Variants in TMEM127 observed in about 807,000 individuals in gnomAD.
TMEM127 encodes transmembrane protein 127.
In TMEM127, 21 loss-of-function variants were observed where a neutral mutation model predicts 20.1. The ratio of observed to expected loss-of-function variants is 1.04; its 90% CI spans 0.74 to 1.50. The LOEUF (loss-of-function observed/expected upper bound fraction) is 1.50, where lower values mean the gene tolerates loss of function less well. TMEM127 is among the 40% of genes most tolerant of loss of function. TMEM127 has a pLI of 0.00. For synonymous variants in TMEM127, 150 were observed against 144.7 expected, an observed-to-expected ratio of 1.04 and a Z score of -0.26; for missense variants, 303 against 317.4, an observed-to-expected ratio of 0.95 and a Z score of 0.34.
chr2:96,253,684 A>C lies in TMEM127; in HGVS notation c.*124T>G. The C allele has an allele frequency of 6.7e-6, 7 of 1,037,570 alleles. No individual in the cohort carries two copies. Among genetic ancestry groups the C allele is most frequent in the Non-Finnish European group, 9.7e-6 (7 of 722,872 alleles). 64.3% of individuals were successfully genotyped at this position (1,037,570 alleles called of 1,614,324 possible). On this transcript the variant is annotated 3_prime_UTR_variant, in exon 4 of 4. Coordinates refer to ENST00000258439, the MANE Select transcript of TMEM127 (RefSeq NM_017849.4). The surrounding 1 kb of genome is among the most constrained non-coding windows in gnomAD (Gnocchi z 4.3). ...CTAAAGGCAGAGTCTCTCCTGGGGA[A>C]GGTTTGGAGAAGATGGTCAGGATCC... is the stretch of plus-strand genomic sequence containing the variant.
intron 2 of TMEM127, among the ~76,000 whole-genome samples, chr2:96,259,187 T>C (rs1425997235): frequency 6.6e-6 from 1 of 152,200 alleles, no homozygotes; most frequent in Non-Finnish European, 1.5e-5. Context: ...TGTATACCCC[T>C]CCTGGAACAG....
At chr2:96,264,993 C>T (rs1684383539) in intron 2 of TMEM127, 145 bp downstream of exon 2, 2 of 1,372,770 alleles carry the variant, frequency 1.5e-6, no homozygotes, top group South Asian at 2.5e-5. Flanking sequence ...GGACCCCAAA[C>T]AGAGCCACCT....
chr2:96,251,232 C>T lies in TMEM127; in HGVS notation c.*2576G>A. 1 of 212,248 alleles carries T rather than the reference C, an allele frequency of 4.7e-6. No individual in the cohort carries two copies. The highest frequency in any genetic ancestry group is 9.5e-6 in the Non-Finnish European group (1 of 104,798). The allele number at this position is 212,248 out of a possible 1,614,324, so 13.1% of individuals were successfully genotyped here. ...CCCTTCTAACTATTTTAAATTACAT[C>T]TTTGGCCAGGCACGGTGGTTCATGC... On this transcript the variant is annotated 3_prime_UTR_variant, in exon 4 of 4. Coordinates refer to ENST00000258439, the MANE Select transcript of TMEM127 (RefSeq NM_017849.4).
chr2:96,256,636 A>T (rs1021336709), intron 2 of TMEM127, among the ~76,000 whole-genome samples: 10 of 151,910 alleles, frequency 6.6e-5, no homozygotes, highest in Non-Finnish European at 1.0e-4. Context: ...CCACAATTTT[A>T]AAAAAAAGTA....
chr2:96,253,418 GCACA>G lies in TMEM127; in HGVS notation c.*386_*389del. 1.7e-5 allele frequency: 5 copies of G among 300,014 alleles called. No individual in the cohort carries two copies. Among genetic ancestry groups the G allele is most frequent in the South Asian group, 1.4e-4 (2 of 14,050 alleles). The allele number at this position is 300,014 out of a possible 1,614,324, so 18.6% of individuals were successfully genotyped here. On this transcript the variant is annotated 3_prime_UTR_variant, in exon 4 of 4. Transcript: ENST00000258439. This position sits in a 1 kb window ranked among gnomAD's most constrained non-coding sequence, Gnocchi z 4.3. ...GATCCCTGTGAAGTGAGCCTCCAGGGCACAGTCCCCTTTCCCTTGGGCCCTTTGA... is the reference window on the plus strand; with the variant it reads ...GATCCCTGTGAAGTGAGCCTCCAGGGGTCCCCTTTCCCTTGGGCCCTTTGA...
At position 96,251,722 on chromosome 2, in the gene TMEM127, G is replaced by T; in HGVS notation, c.*2086C>A. On this transcript the variant is annotated 3_prime_UTR_variant, in exon 4 of 4. Coordinates refer to ENST00000258439, the MANE Select transcript of TMEM127 (RefSeq NM_017849.4). ...TTTTCTAGAAAAAAAAACACAACCC[G>T]GGGAATTTATATGACAAACTATCAG... 4.3e-6 allele frequency: 1 copy of T among 232,322 alleles called. No individual in the cohort carries two copies. The allele number at this position is 232,322 out of a possible 1,614,324, so 14.4% of individuals were successfully genotyped here. A position where few individuals can be genotyped will look rare whatever the true frequency, so the allele number is the denominator to read the frequency against.
chr2:96,249,075 CTGTG>C lies in TMEM127; in HGVS notation c.*4729_*4732del, dbSNP rs111392153. ...TTCCCCAAAGCTTATGGTGAGGAAC[CTGTG>C]TGTGTGTGTGTGGTGTGTGTGTGTG... On this transcript the variant is annotated 3_prime_UTR_variant, in exon 4 of 4. Transcript: ENST00000258439. 9.0e-6 allele frequency: 2 copies of C among 223,228 alleles called. No homozygotes were observed. The highest frequency in any genetic ancestry group is 8.9e-6 in the Non-Finnish European group (1 of 112,952). 13.8% of individuals were successfully genotyped at this position (223,228 alleles called of 1,614,324 possible).
intron 3 of TMEM127, 128 bp downstream of exon 3, chr2:96,254,704 TG>T: frequency 8.2e-7 from 1 of 1,226,644 alleles, no homozygotes; most frequent in Non-Finnish European, 1.2e-6. Flanking sequence ...TGGGAAAGAC[TG>T]GAGCTTGGCA....
In TMEM127 at chr2:96,250,496, C is replaced by T. The variant is rs1684064099; in HGVS notation, c.*3312G>A. The T allele has an allele frequency of 8.6e-6, 2 of 232,852 alleles. No homozygotes were observed. The highest frequency in any genetic ancestry group is 1.7e-5 in the Non-Finnish European group (2 of 117,862). 14.4% of individuals were successfully genotyped at this position (232,852 alleles called of 1,614,324 possible). A position where few individuals can be genotyped will look rare whatever the true frequency, so the allele number is the denominator to read the frequency against. On this transcript the variant is annotated 3_prime_UTR_variant, in exon 4 of 4. Coordinates refer to ENST00000258439, the MANE Select transcript of TMEM127 (RefSeq NM_017849.4). ...GACATAAAATCCTTGCAGACAGGGT[C>T]CTGTCCGTCACTGTATATTTCATGG...
rs189327749 is a variant in TMEM127 at position 96,254,826 on chromosome 2, G to A, written c.409+7C>T. The A allele has an allele frequency of 5.8e-3, 9,404 of 1,613,922 alleles. 36 individuals carry two copies. The highest frequency in any genetic ancestry group is 6.8e-3 in the Non-Finnish European group (8,080 of 1,179,920). On this transcript the variant is annotated splice_region_variant and intron_variant, in intron 3 of 3. Coordinates refer to ENST00000258439, the MANE Select transcript of TMEM127 (RefSeq NM_017849.4). ...CCTCTCCCACTGTGAGCAGGCTCAC[G>A]GCTTACCCGTTAGGATATGGGCGAA...
Position 96,253,612 on chromosome 2 carries a change from A to G in TMEM127, c.*196T>C. 1.6e-6 allele frequency: 1 copy of G among 619,558 alleles called. No individual in the cohort carries two copies. Among genetic ancestry groups the G allele is most frequent in the South Asian group, 2.1e-5 (1 of 47,536 alleles). 38.4% of individuals were successfully genotyped at this position (619,558 alleles called of 1,614,324 possible). A position where few individuals can be genotyped will look rare whatever the true frequency, so the allele number is the denominator to read the frequency against. On this transcript the variant is annotated 3_prime_UTR_variant, in exon 4 of 4. Coordinates refer to ENST00000258439, the MANE Select transcript of TMEM127 (RefSeq NM_017849.4). This position sits in a 1 kb window ranked among gnomAD's most constrained non-coding sequence, Gnocchi z 4.3. The stretch of plus-strand genomic sequence containing the variant: ...GCAGGAGGGAAAGAGTACATTATAG[A>G]AAACCAGTGGACCTCCGGTTCTGAG...
In TMEM127 at chr2:96,249,733, T is replaced by G. The variant is rs1684049005; in HGVS notation, c.*4075A>C. On this transcript the variant is annotated 3_prime_UTR_variant, in exon 4 of 4. Coordinates refer to ENST00000258439, the MANE Select transcript of TMEM127 (RefSeq NM_017849.4). ...AGGGGCATGAAGTTTGTCAGTTCCC[T>G]TCTGTCTCCCCATAGCATCTGTGTT... is the stretch of plus-strand genomic sequence containing the variant. 8.6e-6 allele frequency: 2 copies of G among 233,084 alleles called. No individual in the cohort carries two copies. Among genetic ancestry groups the G allele is most frequent in the Non-Finnish European group, 1.7e-5 (2 of 117,986 alleles). 14.4% of individuals were successfully genotyped at this position (233,084 alleles called of 1,614,324 possible). A position where few individuals can be genotyped will look rare whatever the true frequency, so the allele number is the denominator to read the frequency against.
Position 96,253,803 on chromosome 2 carries a change from T to C in TMEM127, c.*5A>G. On this transcript the variant is annotated 3_prime_UTR_variant, in exon 4 of 4. Coordinates refer to ENST00000258439, the MANE Select transcript of TMEM127 (RefSeq NM_017849.4). The surrounding 1 kb of genome is among the most constrained non-coding windows in gnomAD (Gnocchi z 4.3). Reference sequence around the variant, plus strand: ...GCTGCCGAGGAAGAGAGCCCAGGGCTGGCATTAGGGTGTGTAAGCAGGGGG... The same window carrying C: ...GCTGCCGAGGAAGAGAGCCCAGGGCCGGCATTAGGGTGTGTAAGCAGGGGG... 1 of 1,604,000 alleles carries C rather than the reference T, an allele frequency of 6.2e-7. No homozygotes were observed. Among genetic ancestry groups the C allele is most frequent in the Non-Finnish European group, 8.5e-7 (1 of 1,172,072 alleles).
chr2:96,255,055 C>G, intron 2 of TMEM127, 58 bp from the exon 3 acceptor site: 1 of 1,606,332 alleles, frequency 6.2e-7, no homozygotes, highest in Non-Finnish European at 8.5e-7. Flanking sequence ...CAGGAAGTCC[C>G]CACCTAGAAG....
At chr2:96,260,812 T>C (rs1400504159) in intron 2 of TMEM127, among the ~76,000 whole-genome samples, 1 of 152,202 alleles carries the variant, frequency 6.6e-6, no homozygotes, top group Non-Finnish European at 1.5e-5. Context: ...TCTTTATGCA[T>C]CTGTGCAACC....
chr2:96,254,149 TAGTG>T (rs749830222), intron 3 of TMEM127, 34 bp from the exon 4 acceptor site: 3 of 1,609,756 alleles, frequency 1.9e-6, no homozygotes, highest in South Asian at 1.1e-5. Flanking sequence ...GAAGGGGAAT[TAGTG>T]AGCACTCCAC....
In TMEM127 at chr2:96,251,187, G is replaced by A. The variant is rs550028345; in HGVS notation, c.*2621C>T. 5 of 216,744 alleles carry A rather than the reference G, an allele frequency of 2.3e-5. No individual in the cohort carries two copies. The highest frequency in any genetic ancestry group is 1.9e-4 in the South Asian group (1 of 5,386). The allele number at this position is 216,744 out of a possible 1,614,324, so 13.4% of individuals were successfully genotyped here. Reference sequence around the variant, plus strand: ...CTCTGGGGGTGAAAATGCCATGCACGGAGCTGGCCCATGCCAAGTCCCTTC... The same window carrying A: ...CTCTGGGGGTGAAAATGCCATGCACAGAGCTGGCCCATGCCAAGTCCCTTC... On this transcript the variant is annotated 3_prime_UTR_variant, in exon 4 of 4. Coordinates refer to ENST00000258439, the MANE Select transcript of TMEM127 (RefSeq NM_017849.4).
At chr2:96,256,038 C>T (rs1056326583) in intron 2 of TMEM127, among the ~76,000 whole-genome samples, 11 of 151,626 alleles carry the variant, frequency 7.3e-5, no homozygotes, top group Non-Finnish European at 1.2e-4. Context: ...TTTGGGAGGC[C>T]GAGGCGGGCA....
In TMEM127 at chr2:96,253,677, C is replaced by T; in HGVS notation, c.*131G>A. ...GATGACCCTAAAGGCAGAGTCTCTC[C>T]TGGGGAAGGTTTGGAGAAGATGGTC... is the stretch of plus-strand genomic sequence containing the variant. On this transcript the variant is annotated 3_prime_UTR_variant, in exon 4 of 4. Transcript: ENST00000258439. The surrounding 1 kb of genome is among the most constrained non-coding windows in gnomAD (Gnocchi z 4.3). 1 of 1,024,222 alleles carries T rather than the reference C, an allele frequency of 9.8e-7. No individual in the cohort carries two copies. Among genetic ancestry groups the T allele is most frequent in the South Asian group, 1.7e-5 (1 of 59,108 alleles). 63.4% of individuals were successfully genotyped at this position (1,024,222 alleles called of 1,614,324 possible). A position where few individuals can be genotyped will look rare whatever the true frequency, so the allele number is the denominator to read the frequency against.
Sources: gnomAD v4.1 joint callset for allele counts (sites outside exome capture counted in the v4.1 genomes callset) on GRCh38, gnomAD v4.1.1 for gene constraint, Gnocchi (gnomAD v3.1) non-coding constraint, MANE v1.5 for transcripts, NCBI Gene and HGNC (gene_info 2026-07-23, HGNC 2026-07-21) for gene names.